The following ABRAXAS2 variants were observed in gnomAD, a reference collection of about 807,000 sequenced individuals.
ABRAXAS2 encodes BRISC complex subunit Abraxas 2.
Under a neutral mutation model 49.0 loss-of-function variants are expected in ABRAXAS2, and 23 were observed. The observed-to-expected ratio is 0.47, with a 90% CI of 0.34 to 0.66. ABRAXAS2 has a LOEUF of 0.66. Among genes scored for constraint, ABRAXAS2 ranks in the 30% least tolerant of loss-of-function variants. The pLI is 0.01. For synonymous variants in ABRAXAS2, 168 were observed against 180.2 expected, an observed-to-expected ratio of 0.93 and a Z score of 0.54; for missense variants, 443 against 511.9, an observed-to-expected ratio of 0.87 and a Z score of 1.30.
chr10:124,823,348 G>T (rs967457481), intron 4 of ABRAXAS2, among the ~76,000 whole-genome samples: 12 of 152,174 alleles, frequency 7.9e-5, no homozygotes, highest in African/African-American at 2.7e-4. Flanking sequence ...GCTTAAGATA[G>T]AGGCTAATGT....
intron 1 of ABRAXAS2, among the ~76,000 whole-genome samples, chr10:124,802,402 G>C (rs1950712158): frequency 6.6e-6 from 1 of 152,262 alleles, no homozygotes; most frequent in Non-Finnish European, 1.5e-5. Flanking sequence ...ACACGGTTGT[G>C]TGTTTTCTTC....
intron 8 of ABRAXAS2, among the ~76,000 whole-genome samples, chr10:124,831,913 C>T (rs1012019688): frequency 1.6e-5 from 2 of 127,010 alleles, no homozygotes; most frequent in African/African-American, 6.0e-5. Context: ...GAGTCAGTGG[C>T]GTGATCTTGG....
rs980377797 is a variant in ABRAXAS2, at chr10:124,820,404, G to A, written c.267+954G>A. ...ACATTCTGGAATCTCTTAGCAGCCC[G>A]TCCCTCATCTCTCAGATGCTACCTT... is the stretch of plus-strand genomic sequence containing the variant. On this transcript the variant is annotated intron_variant, in intron 4 of 8. Transcript: ENST00000298492. Among the ~76,000 whole-genome samples, 5 of 152,242 alleles carry A rather than the reference G, an allele frequency of 3.3e-5. No homozygotes were observed. In the East Asian group the frequency reaches 5.8e-4, roughly 18 times the overall value.
intron 4 of ABRAXAS2, among the ~76,000 whole-genome samples, chr10:124,820,396 A>G (rs970249567): frequency 6.6e-6 from 1 of 152,228 alleles, no homozygotes; most frequent in Admixed American, 6.5e-5. Flanking sequence ...GGAATCTCTT[A>G]GCAGCCCGTC....
intron 8 of ABRAXAS2, among the ~76,000 whole-genome samples, chr10:124,833,552 T>C (rs1386022221): frequency 1.3e-5 from 2 of 152,172 alleles, no homozygotes; most frequent in South Asian, 2.1e-4. Context: ...CACCCAAAGC[T>C]GGATAATAAA....
chr10:124,809,349 G>A (rs1399647951), intron 2 of ABRAXAS2, among the ~76,000 whole-genome samples: 2 of 151,658 alleles, frequency 1.3e-5, no homozygotes, highest in African/African-American at 4.8e-5. Context: ...GAGGGCAGTG[G>A]CGTCAGCTCA....
In ABRAXAS2 at chr10:124,834,935, CGAG is replaced by C; in HGVS notation, c.1215_1217del (p.Glu405del). 6.2e-7 allele frequency: 1 copy of C among 1,613,328 alleles called. No homozygotes were observed. Among genetic ancestry groups the C allele is most frequent in the Non-Finnish European group, 8.5e-7 (1 of 1,179,656 alleles). ...ATTCTCGACCCATGGCACATCCCGA[CGAG>C]GACCCCAGGAACACTCAGACCTCCC... On this transcript the variant is annotated inframe_deletion, in exon 9 of 9. Transcript: ENST00000298492.
chr10:124,827,041 C>T (rs1306699359), intron 5 of ABRAXAS2, among the ~76,000 whole-genome samples: 1 of 145,486 alleles, frequency 6.9e-6, no homozygotes, highest in African/African-American at 2.6e-5. Flanking sequence ...TGCAGTGAGC[C>T]AAGATTGTGC....
chr10:124,821,316 C>T (rs1017802401), intron 4 of ABRAXAS2, among the ~76,000 whole-genome samples: 13 of 152,150 alleles, frequency 8.5e-5, no homozygotes, highest in Admixed American at 2.0e-4. Flanking sequence ...CCTGTAATCC[C>T]AGCACTTGGG....
At chr10:124,819,238 G>A (rs934856912) in intron 3 of ABRAXAS2, 146 bp from the exon 4 acceptor site, 9 of 546,262 alleles carry the variant, frequency 1.6e-5, no homozygotes, top group Non-Finnish European at 2.9e-5. Context: ...AAAACATTTG[G>A]ACTGATTTCT....
chr10:124,825,700 C>CA lies in ABRAXAS2; in HGVS notation c.268-894dup. 2.6e-5 allele frequency among the ~76,000 whole-genome samples: 4 copies of CA among 152,276 alleles called. No individual in the cohort carries two copies. The South Asian group carries it at 8.3e-4, about 32-fold the overall frequency. Reference sequence around the variant, plus strand: ...TGCTTCTTAAAACAAGATTTTAACTCAGAGTTGGTTTCAAAGAAGGAAGCT... The same window carrying CA: ...TGCTTCTTAAAACAAGATTTTAACTCAAGAGTTGGTTTCAAAGAAGGAAGCT... On this transcript the variant is annotated intron_variant, in intron 4 of 8. Coordinates refer to ENST00000298492, the MANE Select transcript of ABRAXAS2 (RefSeq NM_032182.4).
intron 1 of ABRAXAS2, among the ~76,000 whole-genome samples, chr10:124,802,916 T>C (rs1046826389): frequency 1.3e-5 from 2 of 152,182 alleles, no homozygotes; most frequent in Non-Finnish European, 2.9e-5. Context: ...CATTAGTAAA[T>C]TGAATGCAAT....
rs1950956834 is a variant in ABRAXAS2 at position 124,834,630 on chromosome 10, G to T, written c.907G>T (p.Asp303Tyr). The T allele has an allele frequency of 6.2e-7, 1 of 1,614,118 alleles. No individual in the cohort carries two copies. The highest frequency in any genetic ancestry group is 1.3e-5 in the African/African-American group (1 of 75,024). ...TACACTTGGAGATGCAGAGGCCTCG[G>T]ATCCTCCTCCCCCTTACTCTGATTT... ...RSTLGDAEAS[D>Y]PPPPYSDFHP... The change falls in exon 9 of 9, where the codon GAT becomes TAT. Residue 303 changes from aspartate (D) to tyrosine (Y), a missense_variant. Physicochemically the swap from Asp to Tyr is radical, Grantham distance 160 (BLOSUM62 -3). Coordinates refer to ENST00000298492, the MANE Select transcript of ABRAXAS2 (RefSeq NM_032182.4).
chr10:124,816,824 A>G (rs1043428387), intron 3 of ABRAXAS2, among the ~76,000 whole-genome samples: 4 of 152,148 alleles, frequency 2.6e-5, no homozygotes, highest in African/African-American at 9.7e-5. Flanking sequence ...GAATGGAAGT[A>G]TTTCCTCTCA....
At chr10:124,829,113 A>G (rs1353815132) in intron 6 of ABRAXAS2, among the ~76,000 whole-genome samples, 1 of 152,220 alleles carries the variant, frequency 6.6e-6, no homozygotes, top group Non-Finnish European at 1.5e-5. Flanking sequence ...TTTGTAATTG[A>G]TACAAAAGTT....
intron 1 of ABRAXAS2, among the ~76,000 whole-genome samples, chr10:124,802,416 C>G (rs1485998212): frequency 2.6e-5 from 4 of 152,184 alleles, no homozygotes; most frequent in African/African-American, 9.7e-5. Context: ...TTTCTTCGCC[C>G]TGATGCAAAA....
At chr10:124,832,859 A>T (rs1389075704) in intron 8 of ABRAXAS2, among the ~76,000 whole-genome samples, 4 of 149,824 alleles carry the variant, frequency 2.7e-5, no homozygotes, top group Admixed American at 2.7e-4. Flanking sequence ...ATAAAATAAA[A>T]TAAAGAGGCC....
chr10:124,828,882 TG>T lies in ABRAXAS2; in HGVS notation c.578+8del, dbSNP rs749778264. The stretch of plus-strand genomic sequence containing the variant: ...AAGTGATTAAAGAACATGGGTAAGT[TG>T]AAAGGTAAAGTGCTAGTTTTTTCTT... On this transcript the variant is annotated splice_region_variant and intron_variant, in intron 6 of 8. Coordinates refer to ENST00000298492, the MANE Select transcript of ABRAXAS2 (RefSeq NM_032182.4). 2 of 1,612,770 alleles carry T rather than the reference TG, an allele frequency of 1.2e-6. No homozygotes were observed. The highest frequency in any genetic ancestry group is 2.7e-5 in the African/African-American group (2 of 74,876).
At chr10:124,809,692 C>G (rs2134159760) in intron 2 of ABRAXAS2, among the ~76,000 whole-genome samples, 1 of 152,164 alleles carries the variant, frequency 6.6e-6, no homozygotes, top group South Asian at 2.1e-4. Flanking sequence ...GCATGCAGCC[C>G]ATGGCAGCTT....
Sources: allele counts gnomAD v4.1 joint callset (sites outside exome capture counted in the v4.1 genomes callset), GRCh38; gene constraint gnomAD v4.1.1; transcripts MANE v1.5; gene names NCBI Gene and HGNC (gene_info 2026-07-23, HGNC 2026-07-21).